MAGI2: variants seen among roughly 807,000 people sequenced by gnomAD.
The protein encoded by MAGI2 is membrane-associated guanylate kinase, WW and PDZ domain-containing protein 2.
A neutral mutation model predicts 133.3 loss-of-function variants in MAGI2; 35 were observed. The observed-to-expected ratio is 0.26, with a 90% CI of 0.20 to 0.35. MAGI2 has a LOEUF of 0.35. Among genes scored for constraint, MAGI2 ranks in the 10% least tolerant of loss-of-function variants. The pLI is 1.00. For missense variants in MAGI2, 1,636 were observed against 1,863.4 expected (o/e 0.88, Z 2.25); for synonymous variants, 729 against 710.6 (o/e 1.03, Z -0.41).
At chr7:78,798,246 G>T (rs1258764230) in intron 2 of MAGI2, among the ~76,000 whole-genome samples, 2 of 152,030 alleles carry the variant, frequency 1.3e-5, no homozygotes, top group African/African-American at 4.8e-5. Flanking sequence ...CATCTTACAG[G>T]AGAAATTGCT....
At chr7:78,225,958 G>A (rs1315020938) in intron 10 of MAGI2, among the ~76,000 whole-genome samples, 1 of 152,156 alleles carries the variant, frequency 6.6e-6, no homozygotes, top group Non-Finnish European at 1.5e-5. Context: ...CTAAGACAGG[G>A]AGTGCTTCTC....
rs935174689 is a variant in MAGI2 at position 78,641,109 on chromosome 7, C to G, written c.419-13870G>C. Reference sequence around the variant, plus strand: ...GTGAAGAAGGACATGTTTGCTTCCCCTTCCGACATGATTGTAAGTTTCCTG... The same window carrying G: ...GTGAAGAAGGACATGTTTGCTTCCCGTTCCGACATGATTGTAAGTTTCCTG... On this transcript the variant is annotated intron_variant, in intron 2 of 21. Transcript: ENST00000354212. Among the ~76,000 whole-genome samples, 2 of 152,180 alleles carry G rather than the reference C, an allele frequency of 1.3e-5. 1 individual carries two copies. The highest frequency in any genetic ancestry group is 4.1e-4 in the South Asian group (2 of 4,826).
intron 1 of MAGI2, among the ~76,000 whole-genome samples, chr7:79,205,378 T>G (rs1773595160): frequency 6.6e-6 from 1 of 151,922 alleles, no homozygotes; most frequent in African/African-American, 2.4e-5. Flanking sequence ...GTAAAAATAC[T>G]GTGTCAAGCA....
chr7:78,343,376 C>T (rs1790588817), intron 9 of MAGI2, among the ~76,000 whole-genome samples: 1 of 152,092 alleles, frequency 6.6e-6, no homozygotes, highest in Admixed American at 6.5e-5. Flanking sequence ...ATGTATATTT[C>T]AATAACTAAC....
chr7:78,309,372 G>A (rs798283), intron 9 of MAGI2, among the ~76,000 whole-genome samples: 75,400 of 152,082 alleles, frequency 0.5, 19,233 homozygotes, highest in Middle Eastern at 0.58. Context: ...AAAGAATTAC[G>A]TAATTTCCTT....
intron 20 of MAGI2, among the ~76,000 whole-genome samples, chr7:78,085,986 C>T (rs567046902): frequency 6.6e-5 from 10 of 152,180 alleles, no homozygotes; most frequent in South Asian, 4.2e-4. Flanking sequence ...CTCTCCCTTC[C>T]GGAGCCTCCA....
intron 3 of MAGI2, among the ~76,000 whole-genome samples, chr7:78,626,356 A>C (rs1345783858): frequency 1.3e-5 from 2 of 152,188 alleles, no homozygotes; most frequent in Admixed American, 1.3e-4. Flanking sequence ...TCATATCAAC[A>C]TACTGTTACT....
intron 10 of MAGI2, among the ~76,000 whole-genome samples, chr7:78,231,419 C>T (rs1014118928): frequency 1.3e-5 from 2 of 152,106 alleles, no homozygotes; most frequent in African/African-American, 4.8e-5. Flanking sequence ...GCTCTAAATG[C>T]CAGTAAGAAT....
intron 5 of MAGI2, among the ~76,000 whole-genome samples, chr7:78,492,711 G>T (rs528698817): frequency 1.2e-4 from 19 of 152,234 alleles, no homozygotes; most frequent in African/African-American, 4.6e-4. Flanking sequence ...AGATTCAGGT[G>T]CATGACATCA....
chr7:78,976,138 TG>T (rs1383901365), intron 2 of MAGI2, among the ~76,000 whole-genome samples: 4 of 151,546 alleles, frequency 2.6e-5, no homozygotes, highest in African/African-American at 9.7e-5. Flanking sequence ...AAAAGAAAAC[TG>T]CAGATCAATA....
chr7:78,821,058 TG>T (rs1462528597), intron 2 of MAGI2, among the ~76,000 whole-genome samples: 1 of 152,074 alleles, frequency 6.6e-6, no homozygotes, highest in Admixed American at 6.5e-5. Flanking sequence ...TGCTGAATGC[TG>T]CAAGCAAAGA....
intron 3 of MAGI2, among the ~76,000 whole-genome samples, chr7:78,530,956 T>C (rs963014765): frequency 6.6e-5 from 10 of 152,130 alleles, no homozygotes; most frequent in African/African-American, 2.2e-4. Context: ...CTGGAAGAAC[T>C]TATTTTTCAG....
chr7:79,275,044 C>T (rs1302768636), intron 1 of MAGI2, among the ~76,000 whole-genome samples: 5 of 152,074 alleles, frequency 3.3e-5, no homozygotes, highest in African/African-American at 1.2e-4. Context: ...CATGATGACA[C>T]TGAAATTAGG....
intron 9 of MAGI2, among the ~76,000 whole-genome samples, chr7:78,306,908 C>T (rs537628078): frequency 1.3e-5 from 2 of 152,162 alleles, no homozygotes; most frequent in Admixed American, 6.5e-5. Context: ...GTTTTAAATC[C>T]TATTTAAAAT....
intron 2 of MAGI2, among the ~76,000 whole-genome samples, chr7:78,844,821 C>T (rs1792452514): frequency 6.7e-6 from 1 of 149,052 alleles, no homozygotes; most frequent in Non-Finnish European, 1.5e-5. Flanking sequence ...AATTGTATCT[C>T]AATAAAAATA....
chr7:78,881,678 AAAC>A (rs1284595187), intron 2 of MAGI2, among the ~76,000 whole-genome samples: 2 of 152,142 alleles, frequency 1.3e-5, no homozygotes, highest in Non-Finnish European at 2.9e-5. Flanking sequence ...TGTGGAAATT[AAAC>A]AACTTTCTCC....
At chr7:78,366,706 CAAG>C (rs1318718001) in intron 7 of MAGI2, among the ~76,000 whole-genome samples, 4 of 152,090 alleles carry the variant, frequency 2.6e-5, no homozygotes, top group Non-Finnish European at 4.4e-5. Flanking sequence ...TGAAGTTTTT[CAAG>C]AAGATGTTTC....
chr7:78,919,654 T>C (rs143640211), intron 2 of MAGI2, among the ~76,000 whole-genome samples: 43 of 152,246 alleles, frequency 2.8e-4, no homozygotes, highest in African/African-American at 9.9e-4. Flanking sequence ...AATATACGTG[T>C]AGTTTTATAA....
At chr7:79,099,256 T>C (rs982677582) in intron 1 of MAGI2, among the ~76,000 whole-genome samples, 4 of 152,100 alleles carry the variant, frequency 2.6e-5, no homozygotes, top group African/African-American at 9.7e-5. Flanking sequence ...ACTTATCTAT[T>C]ATCCAAAAGA....
Sources: gnomAD v4.1 joint callset for allele counts (sites outside exome capture counted in the v4.1 genomes callset) on GRCh38, gnomAD v4.1.1 for gene constraint, MANE v1.5 for transcripts, NCBI Gene and HGNC (gene_info 2026-07-23, HGNC 2026-07-21) for gene names.